The following PTPRG variants were observed in gnomAD, a reference collection of about 807,000 sequenced individuals.
PTPRG encodes the protein receptor-type tyrosine-protein phosphatase gamma.
In PTPRG, 102 loss-of-function variants were observed where a neutral mutation model predicts 165.3. The ratio of observed to expected loss-of-function variants is 0.62; its 90% confidence interval spans 0.53 to 0.73. PTPRG has a LOEUF of 0.73. PTPRG is among the 30% of genes least tolerant of loss of function. PTPRG has a pLI of 0.00. For synonymous variants in PTPRG, 675 were observed against 669.5 expected (o/e 1.01, Z -0.13); for missense variants, 1,866 against 1,861.4 (o/e 1.00, Z -0.05).
At chr3:61,609,361 T>C (rs1204973113) in intron 1 of PTPRG, among the ~76,000 whole-genome samples, 1 of 152,216 alleles carries the variant, frequency 6.6e-6, no homozygotes, top group Non-Finnish European at 1.5e-5. Context: ...TGGGGAACTT[T>C]ATATATGTTG....
At chr3:61,602,768 G>A (rs1238686536) in intron 1 of PTPRG, among the ~76,000 whole-genome samples, 3 of 152,072 alleles carry the variant, frequency 2.0e-5, no homozygotes, top group Non-Finnish European at 4.4e-5. Flanking sequence ...TCCTTCCCTG[G>A]GTCACTGCTT....
At chr3:61,594,247 A>G (rs1327400110) in intron 1 of PTPRG, among the ~76,000 whole-genome samples, 4 of 151,948 alleles carry the variant, frequency 2.6e-5, no homozygotes, top group Non-Finnish European at 5.9e-5. Flanking sequence ...GAGGATGAAA[A>G]TACTCCTCCG....
intron 1 of PTPRG, among the ~76,000 whole-genome samples, chr3:61,670,592 C>G (rs1702945959): frequency 6.6e-6 from 1 of 152,208 alleles, no homozygotes; most frequent in Admixed American, 6.5e-5. Flanking sequence ...AGACCTAGAG[C>G]AGACCCACTA....
In PTPRG at chr3:62,262,845, C is replaced by A; in HGVS notation, c.2607C>A (p.Ser869=). ...ATATGAACATCACTGCAGAGCATTCCAATCATCCAGAAAACAAGCACAAAA... is the reference window on the plus strand; with the variant it reads ...ATATGAACATCACTGCAGAGCATTCAAATCATCCAGAAAACAAGCACAAAA... ...TADMNITAEH[S]NHPENKHKNR... Residue 869 remains serine (S), a synonymous_variant, in exon 17 of 30, where the codon TCC becomes TCA. Transcript: ENST00000474889. 2 of 1,613,896 alleles carry A rather than the reference C, an allele frequency of 1.2e-6. No homozygotes were observed. Among genetic ancestry groups the A allele is most frequent in the Middle Eastern group, 1.6e-4 (1 of 6,062 alleles).
At chr3:62,088,425 A>G (rs914516797) in intron 5 of PTPRG, among the ~76,000 whole-genome samples, 3 of 152,254 alleles carry the variant, frequency 2.0e-5, no homozygotes, top group African/African-American at 7.2e-5. Context: ...AAGAATAACT[A>G]ATAATCCCAG....
chr3:62,191,549 A>T lies in PTPRG; in HGVS notation c.1114A>T (p.Thr372Ser). Residue 372 changes from threonine to serine, a missense_variant, in exon 9 of 30, where the codon ACT (threonine) becomes TCT (serine). Thr to Ser is a moderately conservative substitution (Grantham distance 58, BLOSUM62 1). Transcript: ENST00000474889. ...ALQVSWSQPETIYHPPIMNYM... is the reference protein window; with the variant it reads ...ALQVSWSQPESIYHPPIMNYM... Reference sequence around the variant, plus strand: ...GCAGGTGTCCTGGAGCCAGCCGGAGACTATCTACCACCCACCCATCATGAA... The same window carrying T: ...GCAGGTGTCCTGGAGCCAGCCGGAGTCTATCTACCACCCACCCATCATGAA... 1 of 1,614,094 alleles carries T rather than the reference A, an allele frequency of 6.2e-7. No individual in the cohort carries two copies. The highest frequency in any genetic ancestry group is 8.5e-7 in the Non-Finnish European group (1 of 1,180,006).
chr3:61,637,518 A>G (rs1275408342), intron 1 of PTPRG, among the ~76,000 whole-genome samples: 1 of 152,186 alleles, frequency 6.6e-6, no homozygotes, highest in Non-Finnish European at 1.5e-5. Context: ...GGCTTTCTGA[A>G]TGTCAAAACT....
chr3:62,092,046 G>A (rs963696846), intron 5 of PTPRG, among the ~76,000 whole-genome samples: 1 of 143,984 alleles, frequency 6.9e-6, no homozygotes, highest in African/African-American at 2.6e-5. Flanking sequence ...CATTAGGGAG[G>A]TTACCCCTTA....
intron 1 of PTPRG, among the ~76,000 whole-genome samples, chr3:61,658,997 T>C (rs1438048977): frequency 1.3e-5 from 2 of 152,198 alleles, no homozygotes; most frequent in African/African-American, 4.8e-5. Context: ...AAATTTTTGC[T>C]GATAGCCTTC....
chr3:62,241,349 T>C (rs1701155453), intron 14 of PTPRG, among the ~76,000 whole-genome samples: 1 of 152,106 alleles, frequency 6.6e-6, no homozygotes, highest in Non-Finnish European at 1.5e-5. Context: ...CAAAGTTCTG[T>C]AGTTAGTTGC....
chr3:61,898,716 G>A (rs552812446), intron 2 of PTPRG, among the ~76,000 whole-genome samples: 1 of 152,294 alleles, frequency 6.6e-6, no homozygotes, highest in Non-Finnish European at 1.5e-5. Flanking sequence ...TAAATGGAAA[G>A]AACCTTCTTT....
intron 1 of PTPRG, among the ~76,000 whole-genome samples, chr3:61,699,273 TG>T (rs2030812357): frequency 6.6e-6 from 1 of 152,224 alleles, no homozygotes; most frequent in Non-Finnish European, 1.5e-5. Context: ...AAATTTTAGT[TG>T]GAAGAGTGGC....
chr3:62,290,645 G>C (rs1328735657), intron 28 of PTPRG, among the ~76,000 whole-genome samples: 1 of 152,076 alleles, frequency 6.6e-6, no homozygotes, highest in South Asian at 2.1e-4. Flanking sequence ...TGTAGTACAT[G>C]ATAAAAAGGA....
intron 12 of PTPRG, 120 bp from the exon 13 acceptor site, chr3:62,218,731 C>A: frequency 7.5e-7 from 1 of 1,336,836 alleles, no homozygotes; most frequent in South Asian, 1.4e-5. Context: ...CATGGGGCAG[C>A]TCAGAGCAAA....
intron 1 of PTPRG, among the ~76,000 whole-genome samples, chr3:61,688,920 A>C (rs2029962901): frequency 6.6e-6 from 1 of 152,310 alleles, no homozygotes; most frequent in East Asian, 1.9e-4. Flanking sequence ...TCAATGCATC[A>C]GGGAAAATAT....
At chr3:62,202,824 C>A (rs1373832140) in intron 11 of PTPRG, among the ~76,000 whole-genome samples, 3 of 152,210 alleles carry the variant, frequency 2.0e-5, no homozygotes, top group African/African-American at 7.2e-5. Context: ...AGATGACCAT[C>A]TGATTTTTCC....
In PTPRG at chr3:62,234,966, A is replaced by T. The variant is rs180824306; in HGVS notation, c.2375+3655A>T. Among the ~76,000 whole-genome samples, 744 of 150,218 alleles carry T rather than the reference A, an allele frequency of 5.0e-3. 2 individuals carry two copies. Among genetic ancestry groups the T allele is most frequent in the Non-Finnish European group, 7.6e-3 (513 of 67,646 alleles). ...CCCCCGAGATGGTCTCAAGTATTTT[A>T]AAAAAAATACTGTAATCTGGGGCTT... On this transcript the variant is annotated intron_variant, in intron 14 of 29. Coordinates refer to ENST00000474889, the MANE Select transcript of PTPRG (RefSeq NM_002841.4).
intron 2 of PTPRG, among the ~76,000 whole-genome samples, chr3:61,846,218 G>T (rs1484927821): frequency 6.6e-6 from 1 of 152,176 alleles, no homozygotes; most frequent in Non-Finnish European, 1.5e-5. Context: ...ATTTAAAAGA[G>T]ACAATTATTG....
At chr3:61,866,680 A>C (rs2037421011) in intron 2 of PTPRG, among the ~76,000 whole-genome samples, 1 of 135,734 alleles carries the variant, frequency 7.4e-6, no homozygotes, top group Non-Finnish European at 1.5e-5. Flanking sequence ...GCTCACTGCA[A>C]CTTTGCCTCC....
Sources: allele counts gnomAD v4.1 joint callset (sites outside exome capture counted in the v4.1 genomes callset), GRCh38; gene constraint gnomAD v4.1.1; transcripts MANE v1.5; gene names NCBI Gene and HGNC (gene_info 2026-07-23, HGNC 2026-07-21).